LCN15: variants seen among roughly 807,000 people sequenced by gnomAD.
LCN15 encodes lipocalin 15, also known as lipocalin-15.
Under a neutral mutation model 23.1 loss-of-function variants are expected in LCN15, and 26 were observed. The ratio of observed to expected loss-of-function variants is 1.13; its 90% CI spans 0.82 to 1.56. The LOEUF (loss-of-function observed/expected upper bound fraction) is 1.56. Among genes scored for constraint, LCN15 ranks in the 40% most tolerant of loss-of-function variants. The probability of loss-of-function intolerance (pLI) is 0.00; values close to 1 mark genes in which losing one functional copy is unlikely to be tolerated. For synonymous variants in LCN15, 107 were observed against 98.3 expected (o/e 1.09, Z -0.52); for missense variants, 241 against 239.5 (o/e 1.01, Z -0.04).
At chr9:136,760,040 C>T (rs563770018) in intron 6 of LCN15, among the ~76,000 whole-genome samples, 1 of 152,344 alleles carries the variant, frequency 6.6e-6, no homozygotes, top group Non-Finnish European at 1.5e-5. Context: ...CAGTGCCATG[C>T]CCCAGTCCCT....
Position 136,763,800 on chromosome 9 carries a change from G to A in LCN15, c.237-17C>T, listed in dbSNP as rs774515616. 1.6e-5 allele frequency: 26 copies of A among 1,613,210 alleles called. No homozygotes were observed. The highest frequency in any genetic ancestry group is 3.3e-5 in the South Asian group (3 of 91,082). ...CCGTCCGCCCTGGGGGTGCACAGCC[G>A]GCTCACTCATGGCACCCAGCTACCT... On this transcript the variant is annotated splice_polypyrimidine_tract_variant and intron_variant, in intron 2 of 6. Coordinates refer to ENST00000316144, the MANE Select transcript of LCN15 (RefSeq NM_203347.2).
rs143124770 is a variant in LCN15, at chr9:136,764,471, G to A, written c.18C>T (p.Leu6=). MMSFL[L]GAILTLLWAP... ...CCCAGAGCAGGGTCAGGATTGCGCC[G>A]AGCAGGAATGACATCATCCCCTCCC... is the stretch of plus-strand genomic sequence containing the variant. Residue 6 remains leucine, a synonymous_variant, in exon 1 of 7, where the codon CTC becomes CTT. Transcript: ENST00000316144. 2.0e-4 allele frequency: 317 copies of A among 1,612,770 alleles called. 2 individuals are homozygous for A. The highest frequency in any genetic ancestry group is 4.5e-4 in the Admixed American group (27 of 59,976).
intron 4 of LCN15, among the ~76,000 whole-genome samples, chr9:136,762,821 G>A (rs911365465): frequency 6.6e-6 from 1 of 151,820 alleles, no homozygotes; most frequent in Non-Finnish European, 1.5e-5. Context: ...TTATCGGGGG[G>A]CTGAGGCAGG....
At chr9:136,763,849 A>G in intron 2 of LCN15, 21 bp downstream of exon 2, 1 of 1,613,294 alleles carries the variant, frequency 6.2e-7, no homozygotes, top group Non-Finnish European at 8.5e-7. Context: ...CAGCCCAGGC[A>G]GCCCAGCCCA....
chr9:136,764,060 T>C, intron 1 of LCN15, 51 bp from the exon 2 acceptor site: 1 of 1,595,630 alleles, frequency 6.3e-7, no homozygotes, highest in Non-Finnish European at 8.5e-7. Flanking sequence ...AGCAGGGCCC[T>C]CCTTGCCCAG....
In LCN15 at chr9:136,763,881, CATGT is replaced by C. The variant is rs760467828; in HGVS notation, c.221_224del (p.His74ArgfsTer17). On this transcript the variant is annotated frameshift_variant, in exon 2 of 7. Transcript: ENST00000316144. LOFTEE classifies it high-confidence loss of function. ...CCCAAGTAACTCACCCCGGGAACTC[CATGT>C]GGACGTGGAGGCCGCCCTCCTCTGT... is the stretch of plus-strand genomic sequence containing the variant. The C allele has an allele frequency of 6.2e-6, 10 of 1,613,664 alleles. No individual in the cohort carries two copies. Among genetic ancestry groups the C allele is most frequent in the Non-Finnish European group, 7.6e-6 (9 of 1,179,956 alleles).
At position 136,761,407 on chromosome 9, in the gene LCN15, T is replaced by C. The variant is rs1288313390; in HGVS notation, c.*32+380A>G. Among the ~76,000 whole-genome samples, 2 of 152,170 alleles carry C rather than the reference T, an allele frequency of 1.3e-5. No homozygotes were observed. The highest frequency in any genetic ancestry group is 2.9e-5 in the Non-Finnish European group (2 of 68,024). On this transcript the variant is annotated intron_variant, in intron 6 of 6. Coordinates refer to ENST00000316144, the MANE Select transcript of LCN15 (RefSeq NM_203347.2). This position sits in a 1 kb window ranked among gnomAD's most constrained non-coding sequence, Gnocchi z 4.2. ...TCACAAGTAGCTGAGATTACAGGTG[T>C]GCACCACCACGCCCAGCTAAGTTTT...
chr9:136,761,861 G>A lies in LCN15; in HGVS notation c.521-8C>T. 7.5e-7 allele frequency: 1 copy of A among 1,336,718 alleles called. No homozygotes were observed. Among genetic ancestry groups the A allele is most frequent in the Non-Finnish European group, 9.6e-7 (1 of 1,042,814 alleles). 82.8% of individuals were successfully genotyped at this position (1,336,718 alleles called of 1,614,324 possible). On this transcript the variant is annotated splice_region_variant and splice_polypyrimidine_tract_variant and intron_variant, in intron 5 of 6. Coordinates refer to ENST00000316144, the MANE Select transcript of LCN15 (RefSeq NM_203347.2). The surrounding 1 kb of genome is among the most constrained non-coding windows in gnomAD (Gnocchi z 4.2). ...TCTCAGGGTTGCATGCATCTGTGGG[G>A]AGGAAGACATCCGTGAGATGCTGAC...
At chr9:136,764,276 C>T (rs955610858) in intron 1 of LCN15, 117 bp downstream of exon 1, 9 of 1,032,124 alleles carry the variant, frequency 8.7e-6, no homozygotes, top group East Asian at 5.2e-5. Context: ...GTCTATAGCA[C>T]GTGCCTGGCC....
intron 6 of LCN15, among the ~76,000 whole-genome samples, chr9:136,760,614 G>T (rs550621781): frequency 3.9e-4 from 59 of 152,340 alleles, no homozygotes; most frequent in South Asian, 1.0e-3. Flanking sequence ...CCCCGGCGAG[G>T]GACCCAGCGG....
intron 6 of LCN15, among the ~76,000 whole-genome samples, chr9:136,760,810 G>A (rs912159284): frequency 3.9e-5 from 6 of 152,336 alleles, no homozygotes; most frequent in East Asian, 1.9e-4. Flanking sequence ...TGGATACAGC[G>A]GGGACACAGA....
chr9:136,762,170 CGGG>C lies in LCN15; in HGVS notation c.520+15_520+17del. ...GAGAGGCTGGGGGGCATGGGGTGGG[CGGG>C]GCTTGCCAGGGTACCTGACTGGGGC... is the stretch of plus-strand genomic sequence containing the variant. On this transcript the variant is annotated intron_variant, in intron 5 of 6. Coordinates refer to ENST00000316144, the MANE Select transcript of LCN15 (RefSeq NM_203347.2). 2 of 1,346,764 alleles carry C rather than the reference CGGG, an allele frequency of 1.5e-6. No homozygotes were observed. Among genetic ancestry groups the C allele is most frequent in the South Asian group, 1.3e-5 (1 of 74,982 alleles). 83.4% of individuals were successfully genotyped at this position (1,346,764 alleles called of 1,614,324 possible).
chr9:136,761,808 C>A lies in LCN15; in HGVS notation c.*11G>T. The A allele has an allele frequency of 7.8e-7, 1 of 1,287,832 alleles. No homozygotes were observed. Among genetic ancestry groups the A allele is most frequent in the Non-Finnish European group, 9.8e-7 (1 of 1,016,268 alleles). The allele number at this position is 1,287,832 out of a possible 1,614,324, so 79.8% of individuals were successfully genotyped here. A position where few individuals can be genotyped will look rare whatever the true frequency, so the allele number is the denominator to read the frequency against. Reference sequence around the variant, plus strand: ...CCACCTGGGAAGGGCGGGGGTGGGGCTCCGGAGGTGTCAGGGCGCCTCCTT... The same window carrying A: ...CCACCTGGGAAGGGCGGGGGTGGGGATCCGGAGGTGTCAGGGCGCCTCCTT... On this transcript the variant is annotated 3_prime_UTR_variant, in exon 6 of 7. Coordinates refer to ENST00000316144, the MANE Select transcript of LCN15 (RefSeq NM_203347.2). The surrounding 1 kb of genome is among the most constrained non-coding windows in gnomAD (Gnocchi z 4.2).
Position 136,763,871 on chromosome 9 carries a change from C to T in LCN15, c.235G>A (p.Gly79Arg), listed in dbSNP as rs372258260. Residue 79 changes from glycine (G) to arginine (R), a missense_variant and splice_region_variant, in exon 2 of 7, where the codon GGG becomes AGG. Physicochemically the swap from Gly to Arg is moderately radical, Grantham distance 125. Transcript: ENST00000316144. ...GGCAGCCCAGCCCAAGTAACTCACCCCGGGAACTCCATGTGGACGTGGAGG... is the reference window on the plus strand; with the variant it reads ...GGCAGCCCAGCCCAAGTAACTCACCTCGGGAACTCCATGTGGACGTGGAGG... ...GGLHVHMEFP[G>R]ADGCNQVDAE... is the part of the protein sequence containing the mutation. 1.3e-4 allele frequency: 214 copies of T among 1,613,460 alleles called. No homozygotes were observed. The highest frequency in any genetic ancestry group is 1.8e-4 in the Non-Finnish European group (210 of 1,179,922).
Position 136,761,986 on chromosome 9 carries a change from T to G in LCN15, c.521-133A>C. ...CAGAGAGTGGAGCCCAGAGCTTCCCTCCCAGCGCTGCCCAAAGCCTCTCCC... is the reference window on the plus strand; with the variant it reads ...CAGAGAGTGGAGCCCAGAGCTTCCCGCCCAGCGCTGCCCAAAGCCTCTCCC... On this transcript the variant is annotated intron_variant, in intron 5 of 6. Transcript: ENST00000316144. The surrounding 1 kb of genome is among the most constrained non-coding windows in gnomAD (Gnocchi z 4.2). 1.2e-6 allele frequency: 1 copy of G among 835,670 alleles called. No homozygotes were observed. The highest frequency in any genetic ancestry group is 3.8e-5 in the Admixed American group (1 of 26,206). 51.8% of individuals were successfully genotyped at this position (835,670 alleles called of 1,614,324 possible).
Position 136,762,309 on chromosome 9 carries a change from C to A in LCN15, c.419-20G>T. 1 of 1,418,486 alleles carries A rather than the reference C, an allele frequency of 7.0e-7. No homozygotes were observed. Among genetic ancestry groups the A allele is most frequent in the South Asian group, 1.2e-5 (1 of 82,782 alleles). 87.9% of individuals were successfully genotyped at this position (1,418,486 alleles called of 1,614,324 possible). ...TCCGGCCTGGGCAGAGCAGAGGTCACTGTGAACTCAGCAGCTCACAGGAGT... is the reference window on the plus strand; with the variant it reads ...TCCGGCCTGGGCAGAGCAGAGGTCAATGTGAACTCAGCAGCTCACAGGAGT... On this transcript the variant is annotated intron_variant, in intron 4 of 6. Transcript: ENST00000316144.
intron 1 of LCN15, 60 bp downstream of exon 1, chr9:136,764,333 C>T (rs564394504): frequency 7.4e-6 from 11 of 1,496,170 alleles, no homozygotes; most frequent in South Asian, 3.5e-5. Context: ...ACAATTATCA[C>T]GTTGTCTCTG....
chr9:136,763,441 C>G lies in LCN15; in HGVS notation c.334G>C (p.Val112Leu). The G allele has an allele frequency of 6.2e-7, 1 of 1,608,896 alleles. No individual in the cohort carries two copies. The highest frequency in any genetic ancestry group is 8.5e-7 in the Non-Finnish European group (1 of 1,178,202). The change falls in exon 4 of 7, where the codon GTG becomes CTG. Residue 112 changes from valine to leucine, a missense_variant. Physicochemically the swap from Val to Leu is conservative, Grantham distance 32. Coordinates refer to ENST00000316144, the MANE Select transcript of LCN15 (RefSeq NM_203347.2). Reference protein sequence around the residue: ...PALGYLDVRIVDTDYSSFAVL... With the variant: ...PALGYLDVRILDTDYSSFAVL... The stretch of plus-strand genomic sequence containing the variant: ...GCGAAGGAGCTGTAGTCTGTGTCCA[C>G]GATGCGCACGTCCAGGTAGCCCAAG...
intron 3 of LCN15, 119 bp downstream of exon 3, chr9:136,763,594 G>A (rs2131100772): frequency 7.9e-7 from 1 of 1,271,962 alleles, no homozygotes; most frequent in Non-Finnish European, 1.1e-6. Context: ...GGGCGGGGAG[G>A]GCGGGCAGGG....
Sources: allele counts gnomAD v4.1 joint callset (sites outside exome capture counted in the v4.1 genomes callset), GRCh38; gene constraint gnomAD v4.1.1; non-coding constraint Gnocchi (gnomAD v3.1); transcripts MANE v1.5; gene names NCBI Gene and HGNC (gene_info 2026-07-23, HGNC 2026-07-21).